Variants in IKZF1 observed in about 807,000 individuals in gnomAD.
IKZF1 encodes IKAROS family zinc finger 1.
In IKZF1, 10 loss-of-function variants were observed where a neutral mutation model predicts 51.7. The ratio of observed to expected loss-of-function variants is 0.19; its 90% confidence interval spans 0.12 to 0.33. The LOEUF is 0.33. Among genes scored for constraint, IKZF1 ranks in the 10% least tolerant of loss-of-function variants. The pLI is 1.00. For missense variants in IKZF1, 484 were observed against 707.5 expected, an observed-to-expected ratio of 0.68 and a Z score of 3.58; for synonymous variants, 280 against 282.3, an observed-to-expected ratio of 0.99 and a Z score of 0.08.
intron 6 of IKZF1, among the ~76,000 whole-genome samples, chr7:50,389,814 C>T (rs79070591): frequency 2.5e-4 from 38 of 152,200 alleles, no homozygotes; most frequent in African/African-American, 7.9e-4. Flanking sequence ...GTGCTGTACC[C>T]GGATGAGTGG....
chr7:50,378,403 A>G (rs975135144), intron 4 of IKZF1, among the ~76,000 whole-genome samples: 1 of 152,204 alleles, frequency 6.6e-6, no homozygotes, highest in African/African-American at 2.4e-5. Context: ...GGAAATTAAC[A>G]TGAAGGTAGG....
At chr7:50,391,511 G>T (rs1052108368) in intron 6 of IKZF1, among the ~76,000 whole-genome samples, 3 of 152,220 alleles carry the variant, frequency 2.0e-5, no homozygotes, top group Non-Finnish European at 4.4e-5. Flanking sequence ...TGTGTGGTGA[G>T]CAGCTGTTGG....
chr7:50,401,079 T>C lies in IKZF1; in HGVS notation c.*452T>C, dbSNP rs1383974937. On this transcript the variant is annotated 3_prime_UTR_variant, in exon 8 of 8. Transcript: ENST00000331340. ...AGCAGAGAGCACAGCCCCTGCTGTG[T>C]GGGTCTGCAGGTGAGCAGACAGGAC... 1.0e-5 allele frequency: 3 copies of C among 289,892 alleles called. No individual in the cohort carries two copies. The highest frequency in any genetic ancestry group is 1.2e-4 in the East Asian group (2 of 17,390). 18.0% of individuals were successfully genotyped at this position (289,892 alleles called of 1,614,324 possible). A position where few individuals can be genotyped will look rare whatever the true frequency, so the allele number is the denominator to read the frequency against.
At chr7:50,371,395 T>C (rs530402818) in intron 3 of IKZF1, among the ~76,000 whole-genome samples, 2 of 152,232 alleles carry the variant, frequency 1.3e-5, no homozygotes, top group Non-Finnish European at 2.9e-5. Flanking sequence ...CAACTGCATG[T>C]GTTCACTGCC....
intron 3 of IKZF1, among the ~76,000 whole-genome samples, chr7:50,341,074 T>C (rs1461767851): frequency 1.3e-5 from 2 of 152,102 alleles, no homozygotes; most frequent in Admixed American, 1.3e-4. Context: ...TGATGGAGTC[T>C]CCTAAAAATA....
intron 7 of IKZF1, among the ~76,000 whole-genome samples, chr7:50,399,005 A>G (rs1056032708): frequency 2.0e-5 from 3 of 152,250 alleles, no homozygotes; most frequent in Admixed American, 6.5e-5. Context: ...TGGTTTCACC[A>G]TTGCCAGGGA....
In IKZF1 at chr7:50,398,594, C is replaced by T. The variant is rs1817318014; in HGVS notation, c.851-1324C>T. Among the ~76,000 whole-genome samples, 4 of 152,336 alleles carry T rather than the reference C, an allele frequency of 2.6e-5. No individual in the cohort carries two copies. The South Asian group carries it at 8.3e-4, about 32-fold the overall frequency. The stretch of plus-strand genomic sequence containing the variant: ...GATTTCTCAGATGGGAAGGAATTAT[C>T]CATGCAATCACACATAAACTTCTAC... On this transcript the variant is annotated intron_variant, in intron 7 of 7. Coordinates refer to ENST00000331340, the MANE Select transcript of IKZF1 (RefSeq NM_006060.6).
At chr7:50,317,372 T>A (rs1791860181) in intron 1 of IKZF1, among the ~76,000 whole-genome samples, 1 of 152,256 alleles carries the variant, frequency 6.6e-6, no homozygotes, top group African/African-American at 2.4e-5. Context: ...AAGATTTTTC[T>A]CATTTGAGTC....
intron 3 of IKZF1, among the ~76,000 whole-genome samples, chr7:50,360,540 T>C (rs1377435595): frequency 6.6e-6 from 1 of 152,226 alleles, no homozygotes; most frequent in African/African-American, 2.4e-5. Flanking sequence ...CTTCAGTCTT[T>C]AGTCCTTCAC....
At chr7:50,305,781 T>C (rs1309716824) in intron 1 of IKZF1, among the ~76,000 whole-genome samples, 1 of 152,232 alleles carries the variant, frequency 6.6e-6, no homozygotes, top group Non-Finnish European at 1.5e-5. Flanking sequence ...AATGTCTCCT[T>C]ACTAGTCCCA....
chr7:50,339,215 TTGTG>T lies in IKZF1; in HGVS notation c.160+11498_160+11501del, dbSNP rs1158908841. On this transcript the variant is annotated intron_variant, in intron 3 of 7. Transcript: ENST00000331340. ...AAAGGAGGAATTCTTTTGGGTAGGG[TTGTG>T]TGTGTGTGTGTGTGTGTGTGTGTGT... is the stretch of plus-strand genomic sequence containing the variant. Among the ~76,000 whole-genome samples the T allele has an allele frequency of 7.3e-3, 927 of 126,460 alleles. 9 individuals are homozygous for T. The highest frequency in any genetic ancestry group is 0.024 in the East Asian group (102 of 4,270). The allele number at this position is 126,460 out of a possible 152,430, so 83.0% of individuals were successfully genotyped here. A position where few individuals can be genotyped will look rare whatever the true frequency, so the allele number is the denominator to read the frequency against.
intron 3 of IKZF1, among the ~76,000 whole-genome samples, chr7:50,335,340 G>T (rs1797420886): frequency 6.9e-6 from 1 of 145,430 alleles, no homozygotes; most frequent in South Asian, 2.2e-4. Context: ...TGTATGGGAG[G>T]TGTGTTGTGT....
At chr7:50,382,732 G>T in intron 5 of IKZF1, 25 bp downstream of exon 5, 1 of 1,589,272 alleles carries the variant, frequency 6.3e-7, no homozygotes, top group East Asian at 2.3e-5. Flanking sequence ...TGCAGTCCGG[G>T]GCTGTCTGGG....
intron 3 of IKZF1, chr7:50,369,703 C>G (rs1427368315): frequency 5.0e-6 from 2 of 396,674 alleles, no homozygotes; most frequent in African/African-American, 4.1e-5. Context: ...CCTTTCACCC[C>G]CTCTACTGTC....
intron 2 of IKZF1, among the ~76,000 whole-genome samples, chr7:50,320,472 T>A (rs1358314952): frequency 6.6e-6 from 1 of 152,228 alleles, no homozygotes; most frequent in Non-Finnish European, 1.5e-5. Flanking sequence ...TATTTGAAAC[T>A]ATATATTATT....
chr7:50,358,903 C>G (rs1217738991), intron 3 of IKZF1, among the ~76,000 whole-genome samples: 1 of 151,928 alleles, frequency 6.6e-6, no homozygotes, highest in Non-Finnish European at 1.5e-5. Flanking sequence ...CGTTAAACGG[C>G]TTAAAGTAGC....
At chr7:50,333,525 A>G (rs1796884033) in intron 3 of IKZF1, among the ~76,000 whole-genome samples, 1 of 152,180 alleles carries the variant, frequency 6.6e-6, no homozygotes. Context: ...TGCGAAATGC[A>G]TCTCTTCTGA....
intron 1 of IKZF1, among the ~76,000 whole-genome samples, chr7:50,316,083 C>T (rs1234472546): frequency 1.3e-5 from 2 of 152,098 alleles, no homozygotes; most frequent in Non-Finnish European, 2.9e-5. Flanking sequence ...GCCACTTTTA[C>T]GAGAAAGTCA....
intron 3 of IKZF1, among the ~76,000 whole-genome samples, chr7:50,332,316 A>AT (rs1796597954): frequency 6.6e-6 from 1 of 151,980 alleles, no homozygotes; most frequent in South Asian, 2.1e-4. Context: ...TTATACATAC[A>AT]TTTTTGCCAG....
Sources: gnomAD v4.1 joint callset for allele counts (sites outside exome capture counted in the v4.1 genomes callset) on GRCh38, gnomAD v4.1.1 for gene constraint, MANE v1.5 for transcripts, NCBI Gene and HGNC (gene_info 2026-07-23, HGNC 2026-07-21) for gene names.